Variants in CEP63 observed in about 807,000 individuals in gnomAD.
CEP63 encodes centrosomal protein 63, also known as centrosomal protein of 63 kDa.
Under a neutral mutation model 89.1 loss-of-function variants are expected in CEP63, and 84 were observed. That is an observed-to-expected ratio of 0.94 (90% CI 0.79 to 1.13). The LOEUF is 1.13. CEP63 is among the 50% of genes most tolerant of loss of function. CEP63 has a pLI of 0.00. For synonymous variants in CEP63, 267 were observed against 272.5 expected (o/e 0.98, Z 0.20); for missense variants, 838 against 813.3 (o/e 1.03, Z -0.37).
the CEP63 span, among the ~76,000 whole-genome samples, chr3:134,750,333 T>A: frequency 1.4e-4 from 21 of 152,292 alleles, no homozygotes; most frequent in African/African-American, 4.8e-4. Context: ...GTAGGCACAT[T>A]CTAAAGGAGT....
chr3:134,720,279 T>C, the CEP63 span, among the ~76,000 whole-genome samples: 3 of 152,206 alleles, frequency 2.0e-5, no homozygotes, highest in Non-Finnish European at 4.4e-5. Flanking sequence ...AAATGTCTAT[T>C]CGAACTTTTT....
chr3:134,696,355 C>A, the CEP63 span, among the ~76,000 whole-genome samples: 2 of 152,268 alleles, frequency 1.3e-5, no homozygotes, highest in Non-Finnish European at 2.9e-5. Flanking sequence ...GCAGGGAGTG[C>A]TGGGTTAAGG....
In CEP63 at chr3:134,520,559, C is replaced by G. The variant is rs192975713; in HGVS notation, c.223-11286C>G. Among the ~76,000 whole-genome samples, 197 of 152,216 alleles carry G rather than the reference C, an allele frequency of 1.3e-3. 1 individual carries two copies. The highest frequency in any genetic ancestry group is 4.3e-3 in the African/African-American group (180 of 41,522). ...AGTGAAAATCAACAAGGTTGATTCT[C>G]AAATTTATATGGCAGTAGCCAAAAC... On this transcript the variant is annotated intron_variant, in intron 3 of 14. Transcript: ENST00000675561.
the CEP63 span, among the ~76,000 whole-genome samples, chr3:134,715,647 G>A: frequency 6.6e-6 from 1 of 152,000 alleles, no homozygotes; most frequent in East Asian, 1.9e-4. Context: ...GAGCAATGCG[G>A]GGCTAGGTCT....
chr3:134,708,285 A>G, the CEP63 span, among the ~76,000 whole-genome samples: 3 of 152,242 alleles, frequency 2.0e-5, no homozygotes, highest in African/African-American at 7.2e-5. Context: ...AATTTGTTCA[A>G]TTAGTCATAG....
At chr3:134,673,570 G>A in the CEP63 span, among the ~76,000 whole-genome samples, 1 of 152,118 alleles carries the variant, frequency 6.6e-6, no homozygotes, top group South Asian at 2.1e-4. Flanking sequence ...AACATGGCCC[G>A]CCCTGAGGGT....
intron 3 of CEP63, among the ~76,000 whole-genome samples, chr3:134,521,792 A>C (rs9289477): frequency 1 from 151,805 of 152,308 alleles, 75,656 homozygotes; most frequent in Middle Eastern, 1. Context: ...TTGAAGCGCT[A>C]ATTTCTCCCT....
chr3:134,601,983 T>TTACCAAAGCAC, the CEP63 span, among the ~76,000 whole-genome samples: 1 of 152,294 alleles, frequency 6.6e-6, no homozygotes, highest in Non-Finnish European at 1.5e-5. Flanking sequence ...CATCTGGTAC[T>TTACCAAAGCAC]TCTGTGAGCA....
At chr3:134,766,170 G>C in the CEP63 span, among the ~76,000 whole-genome samples, 2 of 152,302 alleles carry the variant, frequency 1.3e-5, no homozygotes, top group East Asian at 3.9e-4. Flanking sequence ...GTATTTGGGT[G>C]CAGGGCCTTG....
At chr3:134,699,300 G>C in the CEP63 span, among the ~76,000 whole-genome samples, 3 of 152,198 alleles carry the variant, frequency 2.0e-5, no homozygotes, top group Non-Finnish European at 4.4e-5. Context: ...TGGATGGATC[G>C]GTCCTGGGAT....
the CEP63 span, among the ~76,000 whole-genome samples, chr3:134,737,452 A>C: frequency 6.6e-6 from 1 of 152,246 alleles, no homozygotes; most frequent in Non-Finnish European, 1.5e-5. Flanking sequence ...AGCAAAACAT[A>C]ATCCAAGAAA....
the CEP63 span, among the ~76,000 whole-genome samples, chr3:134,666,683 G>A: frequency 6.6e-6 from 1 of 152,174 alleles, no homozygotes; most frequent in Admixed American, 6.5e-5. Context: ...TCATGACTCA[G>A]TCCCAGCCAC....
intron 6 of CEP63, among the ~76,000 whole-genome samples, chr3:134,542,753 A>G (rs1160742090): frequency 6.6e-6 from 1 of 152,160 alleles, no homozygotes; most frequent in Non-Finnish European, 1.5e-5. Flanking sequence ...TTAGCTGGCC[A>G]CACTGGCCTT....
Position 134,559,408 on chromosome 3 carries a change from C to G in CEP63, c.1932C>G (p.Asp644Glu). The G allele has an allele frequency of 6.2e-7, 1 of 1,613,578 alleles. No individual in the cohort carries two copies. Among genetic ancestry groups the G allele is most frequent in the Non-Finnish European group, 8.5e-7 (1 of 1,179,584 alleles). The change falls in exon 14 of 15, where the codon GAC becomes GAG. Residue 644 changes from aspartate (D) to glutamate (E), a missense_variant. Coordinates refer to ENST00000675561, the MANE Select transcript of CEP63 (RefSeq NM_001353108.3). ...ACACTATGTCTGAGAGTATGAATGA[C>G]CAAGAAGAGTTTATATCTTCGGTAT... Reference protein sequence around the residue: ...FSDTMSESMNDQEEFISSCSL... With the variant: ...FSDTMSESMNEQEEFISSCSL...
At chr3:134,706,100 G>A in the CEP63 span, among the ~76,000 whole-genome samples, 169 of 152,278 alleles carry the variant, frequency 1.1e-3, no homozygotes, top group African/African-American at 3.9e-3. Flanking sequence ...GGGTAGAGGG[G>A]AGAGGACAGA....
intron 12 of CEP63, chr3:134,553,352 T>G (rs945056656): frequency 6.6e-6 from 1 of 152,080 alleles, no homozygotes; most frequent in Non-Finnish European, 1.5e-5. Context: ...AACATAAAAA[T>G]GTGAAGTTTC....
At chr3:134,640,335 G>T in the CEP63 span, among the ~76,000 whole-genome samples, 1 of 152,254 alleles carries the variant, frequency 6.6e-6, no homozygotes, top group East Asian at 1.9e-4. Flanking sequence ...CACAGACATG[G>T]GTTCAACTTC....
At chr3:134,522,663 C>T (rs939220131) in intron 3 of CEP63, among the ~76,000 whole-genome samples, 1 of 151,998 alleles carries the variant, frequency 6.6e-6, no homozygotes, top group Non-Finnish European at 1.5e-5. Context: ...TCTATGTGTC[C>T]CATGCGTTCT....
the CEP63 span, among the ~76,000 whole-genome samples, chr3:134,701,008 TGA>T: frequency 1.5e-5 from 2 of 131,726 alleles, no homozygotes; most frequent in Non-Finnish European, 3.2e-5. Context: ...TTTCTCCCTA[TGA>T]GTTAGTTCTG....
Sources: allele counts gnomAD v4.1 joint callset (sites outside exome capture counted in the v4.1 genomes callset), GRCh38; gene constraint gnomAD v4.1.1; transcripts MANE v1.5; gene names NCBI Gene and HGNC (gene_info 2026-07-23, HGNC 2026-07-21).